Variants in ATP10B observed in about 807,000 individuals in gnomAD.
ATP10B encodes ATPase phospholipid transporting 10B (putative).
In ATP10B, 122 loss-of-function variants were observed where a neutral mutation model predicts 141.2. The observed-to-expected ratio is 0.86, with a 90% CI of 0.75 to 1.00. ATP10B has a LOEUF of 1.00. Among genes scored for constraint, ATP10B ranks in the 50% least tolerant of loss-of-function variants. The pLI is 0.00. For missense variants in ATP10B, 1,876 were observed against 1,825.3 expected, an observed-to-expected ratio of 1.03 and a Z score of -0.51; for synonymous variants, 685 against 692.0, an observed-to-expected ratio of 0.99 and a Z score of 0.16.
At chr5:160,816,205 T>G (rs1190493317) in intron 1 of ATP10B, among the ~76,000 whole-genome samples, 1 of 111,756 alleles carries the variant, frequency 8.9e-6, no homozygotes, top group African/African-American at 2.8e-5. Context: ...AATGAATGAA[T>G]CCAGGAGCTG....
the ATP10B span, among the ~76,000 whole-genome samples, chr5:160,927,383 G>A: frequency 6.6e-6 from 1 of 152,172 alleles, no homozygotes; most frequent in South Asian, 2.1e-4. Flanking sequence ...CAGAAATGCT[G>A]TCGCTTTTGA....
chr5:160,727,434 G>C (rs563996960), intron 2 of ATP10B, among the ~76,000 whole-genome samples: 19 of 152,338 alleles, frequency 1.2e-4, no homozygotes, highest in Admixed American at 6.5e-5. Flanking sequence ...AGGTCAGGAA[G>C]AATATAGATG....
chr5:160,596,072 G>A lies in ATP10B; in HGVS notation c.3564+2698C>T, dbSNP rs1040703967. Among the ~76,000 whole-genome samples the A allele has an allele frequency of 2.3e-4, 34 of 150,918 alleles. No individual in the cohort carries two copies. The East Asian group carries it at 3.7e-3, about 17-fold the overall frequency. On this transcript the variant is annotated intron_variant, in intron 22 of 25. Coordinates refer to ENST00000327245, the MANE Select transcript of ATP10B (RefSeq NM_025153.3). ...CCAGCATCATCCTGATACCAAAGCC[G>A]GGCAGAGACACAACCAAAAAAGAGA...
intron 1 of ATP10B, among the ~76,000 whole-genome samples, chr5:160,827,147 G>T (rs1490012410): frequency 6.6e-6 from 1 of 152,124 alleles, no homozygotes; most frequent in African/African-American, 2.4e-5. Flanking sequence ...GCTCAGGTGG[G>T]CATCATGGTC....
intron 13 of ATP10B, among the ~76,000 whole-genome samples, chr5:160,628,562 G>A (rs576562643): frequency 2.3e-4 from 35 of 152,096 alleles, no homozygotes; most frequent in Non-Finnish European, 2.8e-4. Context: ...CACCTCCTTC[G>A]CTCCTCTCTG....
intron 2 of ATP10B, among the ~76,000 whole-genome samples, chr5:160,776,600 T>TA (rs768991356): frequency 5.9e-5 from 9 of 152,182 alleles, no homozygotes; most frequent in Non-Finnish European, 1.0e-4. Flanking sequence ...TCCAACCAGT[T>TA]AGACTGGTCC....
the ATP10B span, among the ~76,000 whole-genome samples, chr5:160,893,818 C>T: frequency 6.6e-6 from 1 of 152,102 alleles, no homozygotes. Flanking sequence ...TGGCGGGTGC[C>T]CCTCTTGGAT....
intron 24 of ATP10B, among the ~76,000 whole-genome samples, chr5:160,583,273 CT>C (rs955740021): frequency 6.6e-6 from 1 of 151,822 alleles, no homozygotes; most frequent in Non-Finnish European, 1.5e-5. Flanking sequence ...TCTGTATGGG[CT>C]TTTTTTTGTT....
intron 7 of ATP10B, among the ~76,000 whole-genome samples, chr5:160,656,050 G>A (rs1761472470): frequency 1.3e-5 from 2 of 152,152 alleles, no homozygotes; most frequent in Admixed American, 6.5e-5. Context: ...TATTCCATTA[G>A]CTAGAATAGG....
intron 23 of ATP10B, 42 bp from the exon 24 acceptor site, chr5:160,589,738 G>A: frequency 2.0e-6 from 3 of 1,480,210 alleles, no homozygotes; most frequent in Non-Finnish European, 2.8e-6. Flanking sequence ...GTATGTCTGT[G>A]GACTAACTTT....
chr5:160,918,953 C>T, the ATP10B span, among the ~76,000 whole-genome samples: 1 of 151,110 alleles, frequency 6.6e-6, no homozygotes, highest in Non-Finnish European at 1.5e-5. Context: ...GGGCCGGGCG[C>T]GGTGGCTCAC....
intron 1 of ATP10B, among the ~76,000 whole-genome samples, chr5:160,806,745 G>C (rs1772797154): frequency 6.6e-6 from 1 of 152,142 alleles, no homozygotes; most frequent in South Asian, 2.1e-4. Context: ...TGAGGTAATT[G>C]AGAGGACAGA....
At chr5:160,664,997 T>C (rs1762238936) in intron 7 of ATP10B, among the ~76,000 whole-genome samples, 1 of 152,202 alleles carries the variant, frequency 6.6e-6, no homozygotes, top group Non-Finnish European at 1.5e-5. Flanking sequence ...AATTCTCTAA[T>C]AAAGTCCTCT....
intron 1 of ATP10B, among the ~76,000 whole-genome samples, chr5:160,811,271 G>C (rs1228221443): frequency 1.3e-5 from 2 of 152,204 alleles, no homozygotes; most frequent in Non-Finnish European, 2.9e-5. Flanking sequence ...ATTATGGGGA[G>C]AGGTTCCTTC....
intron 12 of ATP10B, chr5:160,633,387 A>C (rs966799596): frequency 1.3e-5 from 2 of 152,286 alleles, no homozygotes; most frequent in Admixed American, 6.5e-5. Flanking sequence ...GCCATAAAAA[A>C]GGATGAGTTC....
chr5:160,922,795 TG>T, the ATP10B span, among the ~76,000 whole-genome samples: 1 of 152,194 alleles, frequency 6.6e-6, no homozygotes, highest in Non-Finnish European at 1.5e-5. Context: ...ACACACAAGA[TG>T]GAGAAGATCC....
At chr5:160,681,210 G>C (rs192342255) in intron 6 of ATP10B, among the ~76,000 whole-genome samples, 1 of 152,280 alleles carries the variant, frequency 6.6e-6, no homozygotes, top group African/African-American at 2.4e-5. Context: ...AAGCTGATAG[G>C]CTACTTACTG....
At chr5:160,784,709 A>G (rs1176931684) in intron 2 of ATP10B, among the ~76,000 whole-genome samples, 1 of 152,116 alleles carries the variant, frequency 6.6e-6, no homozygotes, top group Non-Finnish European at 1.5e-5. Context: ...GAGGTTAGCC[A>G]AGGCTTGTGC....
chr5:160,569,999 T>C (rs1346813217), intron 24 of ATP10B, among the ~76,000 whole-genome samples: 2 of 152,172 alleles, frequency 1.3e-5, no homozygotes, highest in African/African-American at 4.8e-5. Context: ...ATAAATAGAA[T>C]CATGTTTCGT....
Sources: allele counts gnomAD v4.1 joint callset (sites outside exome capture counted in the v4.1 genomes callset), GRCh38; gene constraint gnomAD v4.1.1; transcripts MANE v1.5; gene names NCBI Gene and HGNC (gene_info 2026-07-23, HGNC 2026-07-21).